Variants in NRG1 observed in about 807,000 individuals in gnomAD.
NRG1 encodes the protein pro-neuregulin-1, membrane-bound isoform.
In NRG1, 18 loss-of-function variants were observed where a neutral mutation model predicts 63.8. The ratio of observed to expected loss-of-function variants is 0.28; its 90% confidence interval spans 0.19 to 0.42. The LOEUF is 0.42. Among genes scored for constraint, NRG1 ranks in the 10% least tolerant of loss-of-function variants. The probability of loss-of-function intolerance (pLI) is 1.00; values close to 1 mark genes in which losing one functional copy is unlikely to be tolerated. For synonymous variants in NRG1, 302 were observed against 301.3 expected (o/e 1.00, Z -0.02); for missense variants, 762 against 814.7 (o/e 0.94, Z 0.79).
At chr8:32,207,483 T>A (rs1481748) in intron 1 of NRG1, among the ~76,000 whole-genome samples, 123,184 of 152,166 alleles carry the variant, frequency 0.81, 50,579 homozygotes, top group African/African-American at 0.92. Context: ...GACTTCCATT[T>A]TACCCTGTTA....
rs780379516 is a variant in NRG1, at chr8:32,647,736, G to A, written c.502+30851G>A. 52 of 1,580,858 alleles carry A rather than the reference G, an allele frequency of 3.3e-5. No homozygotes were observed. In the East Asian group the frequency reaches 3.8e-4, roughly 12 times the overall value. On this transcript the variant is annotated intron_variant, in intron 5 of 11. Coordinates refer to ENST00000356819, the Ensembl canonical transcript of NRG1. ...TGAGCCGATGGAGATTTATTCCCCA[G>A]ACATGTCTGAGGTCGCCGCCGAGAG...
At chr8:31,893,247 T>C (rs1831293137) in intron 1 of NRG1, among the ~76,000 whole-genome samples, 1 of 151,104 alleles carries the variant, frequency 6.6e-6, no homozygotes, top group East Asian at 1.9e-4. Flanking sequence ...GGATAACTAT[T>C]TGAAAAACAA....
At chr8:31,649,706 T>C (rs570708909) in intron 1 of NRG1, among the ~76,000 whole-genome samples, 1 of 152,210 alleles carries the variant, frequency 6.6e-6, no homozygotes, top group South Asian at 2.1e-4. Flanking sequence ...ATAAAAACAA[T>C]GAAAGATGTA....
intron 1 of NRG1, among the ~76,000 whole-genome samples, chr8:32,010,898 G>A (rs1232805145): frequency 6.6e-6 from 1 of 152,018 alleles, no homozygotes; most frequent in African/African-American, 2.4e-5. Flanking sequence ...TCAGAGGGAT[G>A]ATACAAATCA....
chr8:32,120,091 G>A (rs537285101), intron 1 of NRG1, among the ~76,000 whole-genome samples: 1 of 152,040 alleles, frequency 6.6e-6, no homozygotes, highest in South Asian at 2.1e-4. Context: ...AAGTAAATTA[G>A]TTTATCTTAA....
intron 1 of NRG1, among the ~76,000 whole-genome samples, chr8:31,969,853 C>T (rs747613629): frequency 6.6e-6 from 1 of 152,030 alleles, no homozygotes; most frequent in Non-Finnish European, 1.5e-5. Flanking sequence ...GGGGTGGGGA[C>T]AGGAAGTGTA....
exon 12 of NRG1, chr8:32,767,792 A>G (rs2129065199): frequency 6.6e-6 from 1 of 152,272 alleles, no homozygotes; most frequent in Admixed American, 6.5e-5. Context: ...GAAAGAATGT[A>G]TATGTAACTG....
chr8:32,566,143 G>T (rs1837394238), intron 1 of NRG1, among the ~76,000 whole-genome samples: 2 of 151,990 alleles, frequency 1.3e-5, no homozygotes, highest in Admixed American at 1.3e-4. Flanking sequence ...GATCACCTGA[G>T]GTCAGGAGTT....
rs185391010 is a variant in NRG1, at chr8:32,472,040, C to A, written c.38-123788C>A. ...CTCACAACCACATGACTAAACTGGC[C>A]CAGCCAATATCTCATCAGGTGTCTC... On this transcript the variant is annotated intron_variant, in intron 1 of 10. Coordinates refer to the NRG1 transcript ENST00000519301. Among the ~76,000 whole-genome samples, 175 of 152,250 alleles carry A rather than the reference C, an allele frequency of 1.1e-3. 1 individual carries two copies. Among genetic ancestry groups the A allele is most frequent in the Admixed American group, 4.1e-3 (62 of 15,300 alleles).
At position 32,562,602 on chromosome 8, in the gene NRG1, G is replaced by A. The variant is rs1836653358; in HGVS notation, c.100+13776G>A. On this transcript the variant is annotated intron_variant, in intron 1 of 11. Coordinates refer to ENST00000356819, the Ensembl canonical transcript of NRG1. ...GGGTTGTAACCAGGAAGCATGCCTG[G>A]GCCAGACTGAGAGGGCTGAAGGATG... Among the ~76,000 whole-genome samples the A allele has an allele frequency of 6.6e-5, 10 of 152,064 alleles. 1 individual carries two copies. In the South Asian group the frequency reaches 2.1e-3, roughly 32 times the overall value.
intron 1 of NRG1, among the ~76,000 whole-genome samples, chr8:31,716,272 G>A (rs1264364442): frequency 2.0e-5 from 3 of 152,070 alleles, no homozygotes; most frequent in Non-Finnish European, 4.4e-5. Context: ...ATTTTGTTTA[G>A]TTTCTAGGGA....
chr8:32,246,659 G>A (rs564366458), intron 1 of NRG1, among the ~76,000 whole-genome samples: 1 of 152,146 alleles, frequency 6.6e-6, no homozygotes, highest in Non-Finnish European at 1.5e-5. Flanking sequence ...TTTCAAACGT[G>A]AAAGATGTAA....
chr8:32,266,132 A>T (rs527514134), intron 1 of NRG1, among the ~76,000 whole-genome samples: 41 of 152,250 alleles, frequency 2.7e-4, no homozygotes, highest in Non-Finnish European at 5.3e-4. Flanking sequence ...TCAGTCTGTG[A>T]CCTTTTGGGT....
chr8:32,308,911 C>T (rs1856518125), intron 1 of NRG1, among the ~76,000 whole-genome samples: 1 of 152,188 alleles, frequency 6.6e-6, no homozygotes. Context: ...CTGGGGAGAT[C>T]TCTCTCCATC....
chr8:32,305,464 T>A (rs964416796), intron 1 of NRG1, among the ~76,000 whole-genome samples: 1 of 152,194 alleles, frequency 6.6e-6, no homozygotes, highest in Non-Finnish European at 1.5e-5. Flanking sequence ...ACTTTCTTAC[T>A]CTCAAAAGTA....
At chr8:32,211,899 A>G (rs1163706608) in intron 1 of NRG1, among the ~76,000 whole-genome samples, 1 of 152,048 alleles carries the variant, frequency 6.6e-6, no homozygotes, top group East Asian at 1.9e-4. Flanking sequence ...TTTCTCCTAG[A>G]GCTTTTGTGA....
chr8:32,213,669 C>T (rs556828904), intron 1 of NRG1, among the ~76,000 whole-genome samples: 55 of 152,054 alleles, frequency 3.6e-4, no homozygotes, highest in East Asian at 1.9e-3. Flanking sequence ...AATATCTCTA[C>T]CTAATGATAC....
At chr8:32,723,433 G>A (rs1023300162) in intron 5 of NRG1, among the ~76,000 whole-genome samples, 1 of 152,046 alleles carries the variant, frequency 6.6e-6, no homozygotes, top group African/African-American at 2.4e-5. Context: ...TGTAATCCCA[G>A]CAATTTGGGA....
At chr8:32,582,965 T>C (rs1840926334) in intron 1 of NRG1, among the ~76,000 whole-genome samples, 1 of 152,232 alleles carries the variant, frequency 6.6e-6, no homozygotes, top group Non-Finnish European at 1.5e-5. Flanking sequence ...TGTATGATTC[T>C]ATAATGTTTA....
Sources: allele counts gnomAD v4.1 joint callset (sites outside exome capture counted in the v4.1 genomes callset), GRCh38; gene constraint gnomAD v4.1.1; transcripts MANE v1.5; gene names NCBI Gene and HGNC (gene_info 2026-07-23, HGNC 2026-07-21).